Variants in GALK2 observed in about 807,000 individuals in gnomAD.
GALK2 encodes the protein galactokinase 2.
A neutral mutation model predicts 52.4 loss-of-function variants in GALK2; 36 were observed. That is an observed-to-expected ratio of 0.69 (90% confidence interval 0.53 to 0.91). GALK2 has a LOEUF of 0.91. Ranked by LOEUF, GALK2 falls within the 40% of genes least tolerant of loss-of-function variation. The pLI is 0.00. For missense variants in GALK2, 579 were observed against 559.1 expected, an observed-to-expected ratio of 1.04 and a Z score of -0.36; for synonymous variants, 176 against 199.1, an observed-to-expected ratio of 0.88 and a Z score of 0.98.
chr15:49,292,563 A>G (rs1390403060), intron 8 of GALK2, 26 bp downstream of exon 8: 1 of 1,573,620 alleles, frequency 6.4e-7, no homozygotes, highest in Admixed American at 1.7e-5. Context: ...AAAGTATGAT[A>G]TATGTTATTC....
intron 5 of GALK2, among the ~76,000 whole-genome samples, chr15:49,269,489 TA>T (rs2030043290): frequency 6.6e-6 from 1 of 152,268 alleles, no homozygotes; most frequent in Non-Finnish European, 1.5e-5. Flanking sequence ...GTTTTCCTTT[TA>T]CTTCCCTCTC....
intron 3 of GALK2, among the ~76,000 whole-genome samples, chr15:49,355,087 T>A (rs9806614): frequency 0.42 from 62,002 of 148,774 alleles, 13,030 homozygotes; most frequent in African/African-American, 0.45. Context: ...AAAACCCATC[T>A]GTACATCACC....
At chr15:49,357,154 C>G (rs2043296574) in intron 3 of GALK2, among the ~76,000 whole-genome samples, 1 of 149,632 alleles carries the variant, frequency 6.7e-6, no homozygotes, top group African/African-American at 2.5e-5. Flanking sequence ...AATTGACACC[C>G]TAACATCACA....
At chr15:49,294,130 G>T (rs186368195) in intron 8 of GALK2, among the ~76,000 whole-genome samples, 1 of 122,774 alleles carries the variant, frequency 8.1e-6, no homozygotes, top group Admixed American at 9.0e-5. Context: ...AAATAAATAA[G>T]ACCCTGTCTC....
At position 49,339,751 on chromosome 15, in the gene GALK2, C is replaced by A. The variant is rs150364696; in HGVS notation, c.426+19946C>A. 6.3e-3 allele frequency among the ~76,000 whole-genome samples: 967 copies of A among 152,316 alleles called. 13 individuals carry two copies. Among genetic ancestry groups the A allele is most frequent in the African/African-American group, 0.022 (911 of 41,566 alleles). ...CCGCCCCTTGCCCCACGTGCTCTGT[C>A]CCAGGTAGGTGGGGGTTTTATCTAT... On this transcript the variant is annotated intron_variant, in intron 3 of 3. Transcript: ENST00000558399.
At chr15:49,275,828 A>T (rs1170766963) in intron 5 of GALK2, among the ~76,000 whole-genome samples, 2 of 152,194 alleles carry the variant, frequency 1.3e-5, no homozygotes, top group Non-Finnish European at 1.5e-5. Flanking sequence ...TCTCTATTAA[A>T]TTGAACCCTG....
In GALK2 at chr15:49,292,462, G is replaced by A. The variant is rs1262116505; in HGVS notation, c.892G>A (p.Glu298Lys). 3 of 1,613,894 alleles carry A rather than the reference G, an allele frequency of 1.9e-6. No individual in the cohort carries two copies. Among genetic ancestry groups the A allele is most frequent in the Non-Finnish European group, 1.7e-6 (2 of 1,179,990 alleles). ...CCTTCATCCTGAACCCTATAACCCT[G>A]AGGAGATCTGCAGGTGTCTGGGAAT... is the stretch of plus-strand genomic sequence containing the variant. ...DALHPEPYNP[E>K]EICRCLGISL... Residue 298 changes from glutamate (E) to lysine (K), a missense_variant, in exon 8 of 10, where the codon GAG (glutamate) becomes AAG (lysine). Transcript: ENST00000560031.
At chr15:49,297,256 T>C (rs1158101713) in intron 8 of GALK2, among the ~76,000 whole-genome samples, 1 of 152,210 alleles carries the variant, frequency 6.6e-6, no homozygotes, top group African/African-American at 2.4e-5. Flanking sequence ...CCATGTCCTT[T>C]GCCCATTTTT....
chr15:49,213,292 G>T (rs547693042), intron 2 of GALK2, among the ~76,000 whole-genome samples: 1 of 152,176 alleles, frequency 6.6e-6, no homozygotes, highest in East Asian at 1.9e-4. Flanking sequence ...GTTTATTTAT[G>T]CATAACTACT....
intron 8 of GALK2, among the ~76,000 whole-genome samples, chr15:49,293,616 C>T (rs879368696): frequency 4.6e-5 from 7 of 152,194 alleles, no homozygotes; most frequent in African/African-American, 7.2e-5. Context: ...TGCTGGCTCT[C>T]GTTCCAGAAA....
intron 3 of GALK2, among the ~76,000 whole-genome samples, chr15:49,228,179 G>T (rs988719361): frequency 6.6e-6 from 1 of 152,026 alleles, no homozygotes; most frequent in Non-Finnish European, 1.5e-5. Context: ...TGACCACTTT[G>T]CTATAATGTG....
intron 1 of GALK2, among the ~76,000 whole-genome samples, chr15:49,174,308 A>G (rs567744959): frequency 7.9e-5 from 12 of 152,236 alleles, no homozygotes; most frequent in African/African-American, 2.6e-4. Context: ...GGCCCTGCAA[A>G]AAAGATGTTA....
chr15:49,295,219 A>G (rs1284672234), intron 8 of GALK2, among the ~76,000 whole-genome samples: 2 of 151,998 alleles, frequency 1.3e-5, no homozygotes, highest in African/African-American at 4.8e-5. Context: ...GAAAAGAAAT[A>G]TAAGGTAAAT....
chr15:49,197,765 T>G (rs2087368893), intron 1 of GALK2, among the ~76,000 whole-genome samples: 1 of 152,198 alleles, frequency 6.6e-6, no homozygotes, highest in Admixed American at 6.5e-5. Flanking sequence ...ATGTTTTTCT[T>G]TATCTACCAG....
rs538402316 is a variant in GALK2 at position 49,305,337 on chromosome 15, C to T, written c.967+12800C>T. 8.6e-4 allele frequency among the ~76,000 whole-genome samples: 131 copies of T among 152,192 alleles called. 1 individual carries two copies. Among genetic ancestry groups the T allele is most frequent in the Non-Finnish European group, 1.7e-3 (115 of 68,006 alleles). ...CATCATTCATGTGGCAGGTTTCAGACGAAAATATGACAGGCCACCACTCTA... is the reference window on the plus strand; with the variant it reads ...CATCATTCATGTGGCAGGTTTCAGATGAAAATATGACAGGCCACCACTCTA... On this transcript the variant is annotated intron_variant, in intron 8 of 9. Transcript: ENST00000560031.
chr15:49,211,730 C>T (rs72727248), intron 2 of GALK2, among the ~76,000 whole-genome samples: 4 of 152,152 alleles, frequency 2.6e-5, no homozygotes, highest in African/African-American at 4.8e-5. Flanking sequence ...AGCAGGAGGA[C>T]GAGAGGGAGG....
At chr15:49,244,949 C>T (rs1038979509) in intron 5 of GALK2, among the ~76,000 whole-genome samples, 3 of 151,626 alleles carry the variant, frequency 2.0e-5, no homozygotes, top group Non-Finnish European at 2.9e-5. Flanking sequence ...TGACAAAGCT[C>T]AGCTAGATAT....
At chr15:49,164,043 C>T (rs2084738657) in intron 1 of GALK2, among the ~76,000 whole-genome samples, 4 of 152,130 alleles carry the variant, frequency 2.6e-5, no homozygotes, top group Non-Finnish European at 5.9e-5. Flanking sequence ...TCGTGGCATA[C>T]TCAGGGAAGT....
intron 8 of GALK2, among the ~76,000 whole-genome samples, chr15:49,296,542 A>G (rs918384552): frequency 2.0e-5 from 3 of 151,804 alleles, no homozygotes; most frequent in African/African-American, 7.3e-5. Context: ...ATCTAGTTTG[A>G]TTCCATATCT....
Sources: allele counts gnomAD v4.1 joint callset (sites outside exome capture counted in the v4.1 genomes callset), GRCh38; gene constraint gnomAD v4.1.1; transcripts MANE v1.5; gene names NCBI Gene and HGNC (gene_info 2026-07-23, HGNC 2026-07-21).